Variants in ACSS1 observed in about 807,000 individuals in gnomAD.
The protein encoded by ACSS1 is acyl-CoA synthetase short chain family member 1.
Under a neutral mutation model 75.3 loss-of-function variants are expected in ACSS1, and 42 were observed. That is an observed-to-expected ratio of 0.56 (90% confidence interval 0.44 to 0.72). The LOEUF is 0.72. Ranked by LOEUF, ACSS1 falls within the 30% of genes least tolerant of loss-of-function variation. The pLI is 0.00. For synonymous variants in ACSS1, 380 were observed against 376.8 expected (o/e 1.01, Z -0.10); for missense variants, 782 against 935.7 (o/e 0.84, Z 2.14).
chr20:25,027,116 CT>C (rs1367615869), intron 3 of ACSS1, among the ~76,000 whole-genome samples: 2 of 152,190 alleles, frequency 1.3e-5, no homozygotes, highest in Non-Finnish European at 2.9e-5. Flanking sequence ...GGTATGTGAC[CT>C]TAGGTAAGTC....
rs759957531 is a variant in ACSS1, at chr20:25,007,746, C to T, written c.*16G>A. The T allele has an allele frequency of 1.2e-6, 2 of 1,612,432 alleles. No individual in the cohort carries two copies. The highest frequency in any genetic ancestry group is 3.3e-5 in the Admixed American group (2 of 59,952). On this transcript the variant is annotated 3_prime_UTR_variant, in exon 14 of 14. Transcript: ENST00000323482. ...TTGGGTGCCCGCCCATCCCAAGAGC[C>T]CCACAAGGTGCCAGCTCACTTAGCA... is the stretch of plus-strand genomic sequence containing the variant.
At chr20:25,032,864 C>T (rs1038018816) in intron 2 of ACSS1, among the ~76,000 whole-genome samples, 1 of 152,216 alleles carries the variant, frequency 6.6e-6, no homozygotes, top group South Asian at 2.1e-4. Flanking sequence ...AAGGCCAGCC[C>T]GCAGTTCTCC....
chr20:25,012,781 G>A (rs2088434418), intron 11 of ACSS1, 31 bp downstream of exon 11: 1 of 1,613,628 alleles, frequency 6.2e-7, no homozygotes, highest in Non-Finnish European at 8.5e-7. Context: ...GGAGGTGTAG[G>A]AGTGAAGGAG....
At chr20:25,049,748 C>T (rs2089150720) in intron 1 of ACSS1, among the ~76,000 whole-genome samples, 1 of 152,012 alleles carries the variant, frequency 6.6e-6, no homozygotes, top group African/African-American at 2.4e-5. Context: ...GAACAGAGGC[C>T]CCGAGAAGTT....
intron 3 of ACSS1, among the ~76,000 whole-genome samples, chr20:25,026,201 G>A (rs990229132): frequency 1.2e-4 from 18 of 152,286 alleles, no homozygotes; most frequent in Non-Finnish European, 8.8e-5. Flanking sequence ...AGAGCCTAGC[G>A]GTCAGACTCA....
At chr20:25,030,621 T>C in intron 3 of ACSS1, 138 bp downstream of exon 3, 1 of 981,862 alleles carries the variant, frequency 1.0e-6, no homozygotes, top group Non-Finnish European at 1.5e-6. Flanking sequence ...GCCATGTGCC[T>C]GTCCCTAGTA....
At chr20:25,013,304 A>G (rs1483579122) in intron 10 of ACSS1, among the ~76,000 whole-genome samples, 2 of 152,162 alleles carry the variant, frequency 1.3e-5, no homozygotes, top group Admixed American at 1.3e-4. Flanking sequence ...ACCCACACCT[A>G]AGTAGCCCCA....
Position 25,008,639 on chromosome 20 carries a change from G to A in ACSS1, c.1890+631C>T, listed in dbSNP as rs1418743233. Among the ~76,000 whole-genome samples, 5 of 152,126 alleles carry A rather than the reference G, an allele frequency of 3.3e-5. No homozygotes were observed. In the South Asian group the frequency reaches 6.2e-4, roughly 19 times the overall value. ...TTCATAAAGGAGGGAATGAAAAGCC[G>A]GGGGTTGAAGAGGCAGCCCAATCCT... On this transcript the variant is annotated intron_variant, in intron 13 of 13. Transcript: ENST00000323482.
At chr20:25,043,164 C>T (rs537417155) in intron 2 of ACSS1, among the ~76,000 whole-genome samples, 5 of 152,072 alleles carry the variant, frequency 3.3e-5, no homozygotes, top group Non-Finnish European at 2.9e-5. Context: ...ACCAGTCCCC[C>T]ACTCCTGCCT....
At position 25,022,655 on chromosome 20, in the gene ACSS1, A is replaced by G. The variant is rs2088643393; in HGVS notation, c.960+285T>C. On this transcript the variant is annotated intron_variant, in intron 5 of 13. Coordinates refer to ENST00000323482, the MANE Select transcript of ACSS1 (RefSeq NM_032501.4). ...GGTGGTTTTCTCTATCTGTTCTAAAAAGAGTTTTTAAAAATCTTTGGGCGA... is the reference window on the plus strand; with the variant it reads ...GGTGGTTTTCTCTATCTGTTCTAAAGAGAGTTTTTAAAAATCTTTGGGCGA... Among the ~76,000 whole-genome samples, 4 of 152,376 alleles carry G rather than the reference A, an allele frequency of 2.6e-5. No homozygotes were observed. The South Asian group carries it at 6.2e-4, about 24-fold the overall frequency.
In ACSS1 at chr20:25,048,109, C is replaced by A. The variant is rs2089125082; in HGVS notation, c.407G>T (p.Gly136Val). The change falls in exon 2 of 14, where the codon GGA (glycine) becomes GTA (valine). Residue 136 changes from glycine (G) to valine (V), a missense_variant. Around this residue, in one of 2 missense-constraint regions of ACSS1, gnomAD observed 377 missense variants for 383.1 expected, o/e 0.98. Coordinates refer to ENST00000323482, the MANE Select transcript of ACSS1 (RefSeq NM_032501.4). ...VALIWERDEP[G>V]TEVRITYREL... ...CCTGTAGGTGATCCTCACTTCCGTT[C>A]CAGGCTCATCGCGCTCCCAGATCAA... is the stretch of plus-strand genomic sequence containing the variant. 6.2e-7 allele frequency: 1 copy of A among 1,613,638 alleles called. No homozygotes were observed. Among genetic ancestry groups the A allele is most frequent in the Non-Finnish European group, 8.5e-7 (1 of 1,179,976 alleles).
intron 2 of ACSS1, chr20:25,032,448 T>TG: frequency 2.2e-6 from 3 of 1,359,570 alleles, no homozygotes; most frequent in Non-Finnish European, 2.8e-6. Context: ...CCTCTGAATC[T>TG]GGACCTGGCA....
chr20:25,030,342 G>T (rs1436155715), intron 3 of ACSS1, among the ~76,000 whole-genome samples: 1 of 152,192 alleles, frequency 6.6e-6, no homozygotes, highest in Non-Finnish European at 1.5e-5. Context: ...CCTGACTCCA[G>T]ATCCCCAAAT....
intron 3 of ACSS1, among the ~76,000 whole-genome samples, chr20:25,026,311 T>C (rs1237220205): frequency 6.6e-6 from 1 of 152,180 alleles, no homozygotes; most frequent in Non-Finnish European, 1.5e-5. Context: ...CCCTTGAATC[T>C]AGAATGGCCA....
intron 7 of ACSS1, among the ~76,000 whole-genome samples, chr20:25,019,298 C>T (rs73095921): frequency 8.5e-5 from 13 of 152,372 alleles, no homozygotes; most frequent in Non-Finnish European, 1.9e-4. Context: ...ACAGACACTG[C>T]TGATACTGTC....
At chr20:25,013,853 G>T in intron 9 of ACSS1, 108 bp downstream of exon 9, 1 of 1,363,048 alleles carries the variant, frequency 7.3e-7, no homozygotes. Context: ...AAGGTCAGCA[G>T]CCTCCTGCCA....
At chr20:25,022,814 G>C in intron 5 of ACSS1, 126 bp downstream of exon 5, 1 of 1,327,198 alleles carries the variant, frequency 7.5e-7, no homozygotes, top group Non-Finnish European at 9.9e-7. Context: ...GCCCTGCCCC[G>C]AATAGGCCAG....
At chr20:25,014,200 T>C in intron 8 of ACSS1, 127 bp from the exon 9 acceptor site, 1 of 759,526 alleles carries the variant, frequency 1.3e-6, no homozygotes, top group Non-Finnish European at 2.2e-6. Flanking sequence ...ACAACGATCT[T>C]TGAGGCAAAC....
At chr20:25,045,301 C>A (rs1013578447) in intron 2 of ACSS1, among the ~76,000 whole-genome samples, 7 of 152,282 alleles carry the variant, frequency 4.6e-5, no homozygotes, top group African/African-American at 1.7e-4. Context: ...TTTCTGCTGA[C>A]CCTGCACCCC....
Sources: gnomAD v4.1 joint callset for allele counts (sites outside exome capture counted in the v4.1 genomes callset) on GRCh38, gnomAD v4.1.1 for gene constraint, gnomAD v4.1.1 regional missense constraint, MANE v1.5 for transcripts, NCBI Gene and HGNC (gene_info 2026-07-23, HGNC 2026-07-21) for gene names.